The following WDR27 variants were observed in gnomAD, a reference collection of about 807,000 sequenced individuals.
The protein encoded by WDR27 is WD repeat-containing protein 27.
In WDR27, 100 loss-of-function variants were observed where a neutral mutation model predicts 114.4. That is an observed-to-expected ratio of 0.87 (90% CI 0.74 to 1.03). WDR27 has a LOEUF of 1.03. Among genes scored for constraint, WDR27 ranks in the 50% least tolerant of loss-of-function variants. The pLI is 0.00. For synonymous variants in WDR27, 449 were observed against 423.1 expected, an observed-to-expected ratio of 1.06 and a Z score of -0.75; for missense variants, 1,129 against 1,092.9, an observed-to-expected ratio of 1.03 and a Z score of -0.47.
At chr6:169,610,659 G>A (rs1810315655) in intron 22 of WDR27, among the ~76,000 whole-genome samples, 1 of 152,004 alleles carries the variant, frequency 6.6e-6, no homozygotes, top group South Asian at 2.1e-4. Flanking sequence ...ATCAACTAAT[G>A]AGTGAAAAAA....
intron 25 of WDR27, among the ~76,000 whole-genome samples, chr6:169,552,973 GGTGTGTGT>G (rs3975497): frequency 0.015 from 927 of 61,760 alleles, 19 homozygotes; most frequent in African/African-American, 0.023. Flanking sequence ...GGGCCTGCCC[GGTGTGTGT>G]GTGTGTGTGT....
chr6:169,443,383 AT>A, the WDR27 span, among the ~76,000 whole-genome samples: 1 of 152,134 alleles, frequency 6.6e-6, no homozygotes, highest in African/African-American at 2.4e-5. Context: ...ATTCGCTTTG[AT>A]AGGCATGTTT....
chr6:169,541,718 T>C (rs1796874321), intron 25 of WDR27, among the ~76,000 whole-genome samples: 1 of 152,184 alleles, frequency 6.6e-6, no homozygotes, highest in South Asian at 2.1e-4. Flanking sequence ...TAAGCAAATC[T>C]GGTAAACGGA....
At chr6:169,429,819 T>C in the WDR27 span, among the ~76,000 whole-genome samples, 1 of 152,202 alleles carries the variant, frequency 6.6e-6, no homozygotes. Context: ...CCGATGCTGC[T>C]GGTCTGGGGA....
intron 25 of WDR27, among the ~76,000 whole-genome samples, chr6:169,547,516 T>C (rs1797610520): frequency 6.6e-6 from 1 of 152,214 alleles, no homozygotes; most frequent in Non-Finnish European, 1.5e-5. Flanking sequence ...CAAGGCTGAT[T>C]CAACATTTAA....
intron 22 of WDR27, among the ~76,000 whole-genome samples, chr6:169,613,226 C>T (rs1364546369): frequency 6.6e-6 from 1 of 152,150 alleles, no homozygotes; most frequent in Non-Finnish European, 1.5e-5. Context: ...TAGTGGATGG[C>T]ACCCAGTGGA....
intron 24 of WDR27, among the ~76,000 whole-genome samples, chr6:169,579,172 C>T (rs1226425008): frequency 1.3e-5 from 2 of 152,308 alleles, no homozygotes; most frequent in African/African-American, 4.8e-5. Context: ...TGGTGTCATC[C>T]TGCAATGACC....
chr6:169,675,765 G>A (rs1020369275), intron 2 of WDR27, among the ~76,000 whole-genome samples: 5 of 150,564 alleles, frequency 3.3e-5, no homozygotes, highest in Non-Finnish European at 7.4e-5. Flanking sequence ...ATGTTTTATT[G>A]TGCAGAGGAA....
At chr6:169,616,805 A>G (rs994675726) in intron 21 of WDR27, among the ~76,000 whole-genome samples, 2 of 152,204 alleles carry the variant, frequency 1.3e-5, no homozygotes, top group Admixed American at 1.3e-4. Context: ...TCTGAACACA[A>G]TGCCATAAAA....
Position 169,689,006 on chromosome 6 carries a change from C to T in WDR27, c.-1G>A. On this transcript the variant is annotated 5_prime_UTR_variant, in exon 2 of 26. Coordinates refer to ENST00000448612, the MANE Select transcript of WDR27 (RefSeq NM_182552.5). ...AGAAAATGTCTTGGGGATTTTCCATCTTCAATCTGAAAACAAAAAGTACAT... is the reference window on the plus strand; with the variant it reads ...AGAAAATGTCTTGGGGATTTTCCATTTTCAATCTGAAAACAAAAAGTACAT... The T allele has an allele frequency of 6.2e-7, 1 of 1,608,278 alleles. No homozygotes were observed. Among genetic ancestry groups the T allele is most frequent in the Non-Finnish European group, 8.5e-7 (1 of 1,177,344 alleles).
intron 23 of WDR27, among the ~76,000 whole-genome samples, chr6:169,597,409 C>CA (rs34598997): frequency 0.066 from 9,960 of 151,284 alleles, 558 homozygotes; most frequent in African/African-American, 0.15. Flanking sequence ...ATGTATATTA[C>CA]AAAAAAAACT....
At chr6:169,494,899 C>T (rs1448624807) in intron 25 of WDR27, among the ~76,000 whole-genome samples, 2 of 152,188 alleles carry the variant, frequency 1.3e-5, no homozygotes, top group East Asian at 1.9e-4. Flanking sequence ...CCAGTCAACA[C>T]TGTTTTTCAG....
chr6:169,696,705 G>A (rs1256128450), intron 1 of WDR27, among the ~76,000 whole-genome samples: 10 of 152,186 alleles, frequency 6.6e-5, no homozygotes, highest in Admixed American at 1.3e-4. Context: ...ACGAGGTCAG[G>A]AGTTCAAGAA....
At chr6:169,490,676 G>A (rs1789636156) in intron 25 of WDR27, among the ~76,000 whole-genome samples, 1 of 152,234 alleles carries the variant, frequency 6.6e-6, no homozygotes, top group African/African-American at 2.4e-5. Context: ...TAAAGATGTG[G>A]GGCTGAAAAC....
In WDR27 at chr6:169,666,862, G is replaced by A. The variant is rs1029380575; in HGVS notation, c.712+274C>T. 4 of 985,334 alleles carry A rather than the reference G, an allele frequency of 4.1e-6. No individual in the cohort carries two copies. The African/African-American group carries it at 5.2e-5, about 13-fold the overall frequency. The allele number at this position is 985,334 out of a possible 1,614,324, so 61.0% of individuals were successfully genotyped here. On this transcript the variant is annotated intron_variant, in intron 6 of 25. Transcript: ENST00000448612. ...AGGCTCAACTTCCCTGGGTACTCAG[G>A]CATTTTATCTGACAGCAAACGTGCT...
intron 13 of WDR27, 125 bp from the exon 14 acceptor site, chr6:169,652,133 A>G (rs1268894466): frequency 3.7e-6 from 3 of 813,642 alleles, no homozygotes; most frequent in Non-Finnish European, 5.7e-6. Flanking sequence ...TCCTGACCAT[A>G]AATTTAAGAG....
intron 23 of WDR27, among the ~76,000 whole-genome samples, chr6:169,586,030 G>A (rs1804487955): frequency 6.6e-6 from 1 of 152,138 alleles, no homozygotes; most frequent in East Asian, 1.9e-4. Flanking sequence ...CAAAAGCATT[G>A]AGTCATCAGA....
chr6:169,614,701 AAAAG>A (rs1042849864), intron 21 of WDR27, among the ~76,000 whole-genome samples: 3 of 151,854 alleles, frequency 2.0e-5, no homozygotes, highest in Non-Finnish European at 2.9e-5. Flanking sequence ...AAAAAAAAAG[AAAAG>A]AAAAAGAAAA....
chr6:169,666,456 T>G (rs1268311744), intron 6 of WDR27: 1 of 985,352 alleles, frequency 1.0e-6, no homozygotes, highest in African/African-American at 1.7e-5. Context: ...CCTAACTCTC[T>G]TCTTCTGGGA....
Sources: allele counts gnomAD v4.1 joint callset (sites outside exome capture counted in the v4.1 genomes callset), GRCh38; gene constraint gnomAD v4.1.1; transcripts MANE v1.5; gene names NCBI Gene and HGNC (gene_info 2026-07-23, HGNC 2026-07-21).